Variants in ARHGAP15 observed in about 807,000 individuals in gnomAD.
ARHGAP15 encodes the protein rho GTPase-activating protein 15.
In ARHGAP15, 51 loss-of-function variants were observed where a neutral mutation model predicts 63.7. The ratio of observed to expected loss-of-function variants is 0.80; its 90% confidence interval spans 0.64 to 1.01. ARHGAP15 has a LOEUF of 1.01. Among genes scored for constraint, ARHGAP15 ranks in the 50% least tolerant of loss-of-function variants. The pLI, the probability that ARHGAP15 is intolerant of heterozygous loss-of-function variation, is 0.00. For synonymous variants in ARHGAP15, 191 were observed against 193.8 expected (o/e 0.99, Z 0.12); for missense variants, 560 against 564.6 (o/e 0.99, Z 0.08).
chr2:143,605,977 A>C (rs1242402118), intron 11 of ARHGAP15, among the ~76,000 whole-genome samples: 1 of 129,750 alleles, frequency 7.7e-6, no homozygotes, highest in East Asian at 2.5e-4. Context: ...CAGGGGTTGC[A>C]GTGAGCGGAG....
intron 11 of ARHGAP15, among the ~76,000 whole-genome samples, chr2:143,618,674 C>G (rs1698535426): frequency 6.6e-6 from 1 of 152,180 alleles, no homozygotes; most frequent in Admixed American, 6.5e-5. Flanking sequence ...GACTTGGTTA[C>G]TCTTCTATTC....
chr2:143,628,578 C>T (rs1018817257), intron 12 of ARHGAP15, among the ~76,000 whole-genome samples: 5 of 152,158 alleles, frequency 3.3e-5, no homozygotes, highest in Non-Finnish European at 5.9e-5. Flanking sequence ...TTCTCCTCTA[C>T]AGCTTCAGCT....
intron 13 of ARHGAP15, among the ~76,000 whole-genome samples, chr2:143,758,729 T>C (rs752480377): frequency 1.3e-5 from 2 of 152,150 alleles, no homozygotes; most frequent in East Asian, 1.9e-4. Flanking sequence ...CCACATGTTA[T>C]GTTTTAAGGA....
intron 6 of ARHGAP15, among the ~76,000 whole-genome samples, chr2:143,387,549 G>A (rs1370559074): frequency 6.6e-6 from 1 of 152,128 alleles, no homozygotes; most frequent in African/African-American, 2.4e-5. Flanking sequence ...AAATGAATTG[G>A]CATTGTATTG....
At chr2:143,420,595 G>A (rs1333831786) in intron 6 of ARHGAP15, among the ~76,000 whole-genome samples, 2 of 152,134 alleles carry the variant, frequency 1.3e-5, no homozygotes, top group East Asian at 3.9e-4. Flanking sequence ...TGATGTAGCT[G>A]AAGCCTCTGC....
At chr2:143,528,426 T>A (rs1235612164) in intron 10 of ARHGAP15, among the ~76,000 whole-genome samples, 1 of 151,774 alleles carries the variant, frequency 6.6e-6, no homozygotes, top group Non-Finnish European at 1.5e-5. Flanking sequence ...TTTATTTGGA[T>A]GATAATTTTT....
At position 143,581,244 on chromosome 2, in the gene ARHGAP15, T is replaced by A. The variant is rs1367992389; in HGVS notation, c.1003+24759T>A. On this transcript the variant is annotated intron_variant, in intron 11 of 13. Transcript: ENST00000295095. Reference sequence around the variant, plus strand: ...AATATGCCATAAAGGTTAGAGAAGCTGCATTTTTTTTATAGTTTCACTTTA... The same window carrying A: ...AATATGCCATAAAGGTTAGAGAAGCAGCATTTTTTTTATAGTTTCACTTTA... Among the ~76,000 whole-genome samples the A allele has an allele frequency of 3.4e-3, 3 of 882 alleles. No homozygotes were observed. In the East Asian group the frequency reaches 0.21, roughly 63 times the overall value. 0.6% of individuals were successfully genotyped at this position (882 alleles called of 152,430 possible). A position where few individuals can be genotyped will look rare whatever the true frequency, so the allele number is the denominator to read the frequency against.
At chr2:143,411,842 ACT>A (rs1197486854) in intron 6 of ARHGAP15, among the ~76,000 whole-genome samples, 1 of 152,154 alleles carries the variant, frequency 6.6e-6, no homozygotes, top group Non-Finnish European at 1.5e-5. Context: ...GAAAGTATAT[ACT>A]CTCTTACCTT....
At chr2:143,284,611 G>A (rs969106320) in intron 6 of ARHGAP15, among the ~76,000 whole-genome samples, 6 of 152,184 alleles carry the variant, frequency 3.9e-5, no homozygotes, top group Non-Finnish European at 8.8e-5. Flanking sequence ...AGCCGTTCCA[G>A]TGCGTCACAA....
intron 1 of ARHGAP15, among the ~76,000 whole-genome samples, chr2:143,137,049 T>C (rs893434643): frequency 8.5e-5 from 13 of 152,112 alleles, no homozygotes; most frequent in Non-Finnish European, 1.3e-4. Flanking sequence ...AGTTCAACCA[T>C]GCAAACTCTT....
At chr2:143,421,547 G>C (rs995145990) in intron 6 of ARHGAP15, among the ~76,000 whole-genome samples, 15 of 151,886 alleles carry the variant, frequency 9.9e-5, no homozygotes, top group Non-Finnish European at 2.1e-4. Context: ...CCCTAGGCCA[G>C]AGTTTTTCAA....
At chr2:143,157,857 G>T (rs894701087) in intron 2 of ARHGAP15, among the ~76,000 whole-genome samples, 1 of 151,996 alleles carries the variant, frequency 6.6e-6, no homozygotes, top group Non-Finnish European at 1.5e-5. Flanking sequence ...GGGTGGTGGG[G>T]TGAGGTCAAG....
At chr2:143,547,284 C>G (rs937933458) in intron 10 of ARHGAP15, among the ~76,000 whole-genome samples, 2 of 152,068 alleles carry the variant, frequency 1.3e-5, no homozygotes, top group Non-Finnish European at 2.9e-5. Context: ...TTCATGTTAA[C>G]CAGGTATTAA....
intron 8 of ARHGAP15, among the ~76,000 whole-genome samples, chr2:143,448,134 C>A (rs1690232286): frequency 1.3e-5 from 2 of 151,978 alleles, no homozygotes; most frequent in African/African-American, 2.4e-5. Flanking sequence ...GACTTTTGTA[C>A]AGGAAGGAAA....
At chr2:143,444,606 A>C (rs1259676423) in intron 8 of ARHGAP15, among the ~76,000 whole-genome samples, 4 of 152,184 alleles carry the variant, frequency 2.6e-5, no homozygotes, top group Non-Finnish European at 5.9e-5. Flanking sequence ...TTCCTTCAAA[A>C]TTCTAAAGAA....
chr2:143,204,180 G>A (rs1692234020), intron 3 of ARHGAP15, among the ~76,000 whole-genome samples: 1 of 152,004 alleles, frequency 6.6e-6, no homozygotes, highest in African/African-American at 2.4e-5. Context: ...CCAGTTTATT[G>A]AAATAGTCTC....
intron 5 of ARHGAP15, among the ~76,000 whole-genome samples, chr2:143,232,760 C>G (rs142069354): frequency 3.3e-5 from 5 of 152,258 alleles, no homozygotes; most frequent in African/African-American, 1.2e-4. Flanking sequence ...ATTTTCAAAC[C>G]TATAGCTATA....
At chr2:143,582,454 G>C (rs1236325150) in intron 11 of ARHGAP15, among the ~76,000 whole-genome samples, 1 of 152,112 alleles carries the variant, frequency 6.6e-6, no homozygotes, top group African/African-American at 2.4e-5. Flanking sequence ...AACTCACTCT[G>C]TGGGGCAATG....
intron 1 of ARHGAP15, among the ~76,000 whole-genome samples, chr2:143,147,685 A>G (rs1398047297): frequency 6.6e-6 from 1 of 151,998 alleles, no homozygotes; most frequent in Non-Finnish European, 1.5e-5. Context: ...TGCTTTATTT[A>G]GTTATTCCTT....
Sources: allele counts gnomAD v4.1 joint callset (sites outside exome capture counted in the v4.1 genomes callset), GRCh38; gene constraint gnomAD v4.1.1; transcripts MANE v1.5; gene names NCBI Gene and HGNC (gene_info 2026-07-23, HGNC 2026-07-21).